Variants in OR1J2 observed in about 807,000 individuals in gnomAD.
The protein encoded by OR1J2 is olfactory receptor family 1 subfamily J member 2, also known as olfactory receptor 1J2.
For synonymous variants in OR1J2, 142 were observed against 99.7 expected (o/e 1.42, Z -2.52); for missense variants, 304 against 246.1 (o/e 1.24, Z -1.57).
chr9:122,465,688 T>C, the OR1J2 span, among the ~76,000 whole-genome samples: 3 of 152,208 alleles, frequency 2.0e-5, no homozygotes, highest in African/African-American at 7.2e-5. Flanking sequence ...AATTGCCTCC[T>C]TATGAGATAC....
downstream of OR1J2, among the ~76,000 whole-genome samples, chr9:122,512,425 A>G (rs1588190765): frequency 6.6e-6 from 1 of 152,226 alleles, no homozygotes; most frequent in Non-Finnish European, 1.5e-5. Flanking sequence ...AGGTCTAAGA[A>G]TTTGCATTCC....
chr9:122,514,587 G>C (rs1828675447), downstream of OR1J2, among the ~76,000 whole-genome samples: 1 of 152,098 alleles, frequency 6.6e-6, no homozygotes, highest in African/African-American at 2.4e-5. Flanking sequence ...CTCTTAGACG[G>C]ATAAAAAATG....
At chr9:122,449,203 C>A in the OR1J2 span, among the ~76,000 whole-genome samples, 2 of 152,076 alleles carry the variant, frequency 1.3e-5, no homozygotes, top group Non-Finnish European at 2.9e-5. Flanking sequence ...GGAGGCCTTG[C>A]TTATCCTCTG....
At chr9:122,534,338 A>G in the OR1J2 span, among the ~76,000 whole-genome samples, 2 of 152,134 alleles carry the variant, frequency 1.3e-5, no homozygotes, top group African/African-American at 4.8e-5. Context: ...TGAGAATAAG[A>G]TGGTTTTTTG....
At chr9:122,536,406 A>G in the OR1J2 span, among the ~76,000 whole-genome samples, 7 of 152,220 alleles carry the variant, frequency 4.6e-5, no homozygotes, top group Non-Finnish European at 8.8e-5. Flanking sequence ...CACTCCCTCC[A>G]TAAACTCTAC....
At chr9:122,531,443 T>C in the OR1J2 span, among the ~76,000 whole-genome samples, 862 of 152,090 alleles carry the variant, frequency 5.7e-3, 7 homozygotes, top group Non-Finnish European at 9.9e-3. Context: ...AGACAGAAGA[T>C]AGTAGGGATG....
At chr9:122,481,026 C>T in the OR1J2 span, among the ~76,000 whole-genome samples, 2 of 152,202 alleles carry the variant, frequency 1.3e-5, no homozygotes, top group South Asian at 2.1e-4. Flanking sequence ...GATCTCTTGA[C>T]CTTGTGATCT....
chr9:122,481,196 G>A, the OR1J2 span, among the ~76,000 whole-genome samples: 6 of 152,030 alleles, frequency 3.9e-5, no homozygotes, highest in South Asian at 2.1e-4. Context: ...TGCAGTATTT[G>A]GTTTTCTTTT....
the OR1J2 span, among the ~76,000 whole-genome samples, chr9:122,538,456 C>G: frequency 1.4e-5 from 2 of 148,012 alleles, no homozygotes; most frequent in Admixed American, 6.7e-5. Flanking sequence ...TATAGAGATG[C>G]AACTGATTTT....
At chr9:122,568,590 G>A in the OR1J2 span, 3 of 663,716 alleles carry the variant, frequency 4.5e-6, no homozygotes, top group Middle Eastern at 1.3e-3. Flanking sequence ...GTCACAATTA[G>A]CTACTGTGCT....
the OR1J2 span, among the ~76,000 whole-genome samples, chr9:122,471,080 A>G: frequency 6.6e-6 from 1 of 152,108 alleles, no homozygotes; most frequent in Non-Finnish European, 1.5e-5. Flanking sequence ...TGTAGGGAAG[A>G]CATGATTGGT....
At chr9:122,455,545 C>T in the OR1J2 span, among the ~76,000 whole-genome samples, 1 of 151,936 alleles carries the variant, frequency 6.6e-6, no homozygotes, top group East Asian at 1.9e-4. Flanking sequence ...AACATTTTTT[C>T]CCTTCGTCTT....
chr9:122,458,268 T>C, the OR1J2 span, among the ~76,000 whole-genome samples: 1 of 152,230 alleles, frequency 6.6e-6, no homozygotes, highest in South Asian at 2.1e-4. Flanking sequence ...AATGAATGTT[T>C]GAAAGGAATT....
the OR1J2 span, among the ~76,000 whole-genome samples, chr9:122,454,776 G>C: frequency 6.6e-6 from 1 of 152,200 alleles, no homozygotes; most frequent in African/African-American, 2.4e-5. Flanking sequence ...CCTATGGTCA[G>C]CCGTCATGAG....
At chr9:122,579,436 C>CTTTAAGAGAGAAT in the OR1J2 span, among the ~76,000 whole-genome samples, 4 of 152,150 alleles carry the variant, frequency 2.6e-5, no homozygotes, top group South Asian at 8.3e-4. Flanking sequence ...TCTTTCTCTC[C>CTTTAAGAGAGAAT]TTTAAGAGAG....
At chr9:122,572,093 T>C in the OR1J2 span, among the ~76,000 whole-genome samples, 28 of 152,232 alleles carry the variant, frequency 1.8e-4, no homozygotes, top group South Asian at 5.8e-3. Flanking sequence ...GGGGAGGCGC[T>C]ACACACTTTT....
At chr9:122,488,418 C>G in the OR1J2 span, among the ~76,000 whole-genome samples, 1 of 152,208 alleles carries the variant, frequency 6.6e-6, no homozygotes, top group Non-Finnish European at 1.5e-5. Context: ...GGATTATAGG[C>G]GTGAGCCACC....
chr9:122,574,370 A>G, the OR1J2 span, among the ~76,000 whole-genome samples: 1 of 152,042 alleles, frequency 6.6e-6, no homozygotes, highest in Non-Finnish European at 1.5e-5. Flanking sequence ...TTTATCTTTC[A>G]TCATGGTTTT....
the OR1J2 span, among the ~76,000 whole-genome samples, chr9:122,474,415 G>A: frequency 1.3e-5 from 2 of 152,124 alleles, no homozygotes; most frequent in South Asian, 2.1e-4. Context: ...TATCACTTCC[G>A]CCTGATGTGG....
Sources: gnomAD v4.1 joint callset for allele counts (sites outside exome capture counted in the v4.1 genomes callset) on GRCh38, gnomAD v4.1.1 for gene constraint, MANE v1.5 for transcripts, NCBI Gene and HGNC (gene_info 2026-07-23, HGNC 2026-07-21) for gene names.